Variants in SMAD2 observed in about 807,000 individuals in gnomAD.
SMAD2 encodes the protein MAD homolog 2.
Under a neutral mutation model 64.4 loss-of-function variants are expected in SMAD2, and 8 were observed. The observed-to-expected ratio is 0.12, with a 90% confidence interval of 0.07 to 0.22. The LOEUF is 0.22. Ranked by LOEUF, SMAD2 falls within the 10% of genes least tolerant of loss-of-function variation. The probability of loss-of-function intolerance (pLI) is 1.00; values close to 1 mark genes in which losing one functional copy is unlikely to be tolerated. For synonymous variants in SMAD2, 203 were observed against 195.8 expected, an observed-to-expected ratio of 1.04 and a Z score of -0.31; for missense variants, 289 against 561.2, an observed-to-expected ratio of 0.51 and a Z score of 4.90.
At position 47,827,399 on chromosome 18, in the gene SMAD2, T is replaced by C. The variant is rs1240252715; in HGVS notation, c.*14428A>G. On this transcript the variant is annotated 3_prime_UTR_variant, in exon 11 of 11. Transcript: ENST00000262160. ...TCTCTCCAGCCAATCACTATGTAAA[T>C]TGTGAATTAAGACATTATTACTTGG... 5 of 152,140 alleles carry C rather than the reference T, an allele frequency of 3.3e-5. No individual in the cohort carries two copies. The highest frequency in any genetic ancestry group is 9.7e-5 in the African/African-American group (4 of 41,416). The allele number at this position is 152,140 out of a possible 1,614,324, so 9.4% of individuals were successfully genotyped here.
In SMAD2 at chr18:47,821,589, C is replaced by T. The variant is rs1912578543; in HGVS notation, c.*20238G>A. 6.6e-6 allele frequency: 1 copy of T among 152,194 alleles called. No individual in the cohort carries two copies. Among genetic ancestry groups the T allele is most frequent in the Non-Finnish European group, 1.5e-5 (1 of 68,030 alleles). The allele number at this position is 152,194 out of a possible 1,614,324, so 9.4% of individuals were successfully genotyped here. Reference sequence around the variant, plus strand: ...CACTCATAACCTTGGAAATACTCTTCCTGTGTCTGATTAAATTCAAGTACC... The same window carrying T: ...CACTCATAACCTTGGAAATACTCTTTCTGTGTCTGATTAAATTCAAGTACC... On this transcript the variant is annotated 3_prime_UTR_variant, in exon 11 of 11. Transcript: ENST00000262160.
chr18:47,850,550 T>C (rs1202920255), intron 7 of SMAD2, among the ~76,000 whole-genome samples: 1 of 47,984 alleles, frequency 2.1e-5, no homozygotes, highest in Non-Finnish European at 3.3e-5. Flanking sequence ...ATATATATAA[T>C]ATATATTATG....
chr18:47,906,996 AAAC>A (rs755590660), intron 1 of SMAD2, among the ~76,000 whole-genome samples: 1 of 152,188 alleles, frequency 6.6e-6, no homozygotes, highest in African/African-American at 2.4e-5. Context: ...TTGCCATATA[AAAC>A]AACATTCACA....
chr18:47,860,512 T>G (rs2031094546), intron 6 of SMAD2, among the ~76,000 whole-genome samples: 1 of 152,032 alleles, frequency 6.6e-6, no homozygotes, highest in Non-Finnish European at 1.5e-5. Flanking sequence ...TGACCTCCTG[T>G]GCTCAAGCAA....
chr18:47,875,407 G>A (rs992594182), intron 2 of SMAD2, among the ~76,000 whole-genome samples: 6 of 152,006 alleles, frequency 3.9e-5, no homozygotes, highest in Non-Finnish European at 8.8e-5. Flanking sequence ...GTACAAAAGT[G>A]GATTATAATA....
chr18:47,899,015 AGGTATTG>A (rs2033566622), intron 1 of SMAD2, among the ~76,000 whole-genome samples: 1 of 152,112 alleles, frequency 6.6e-6, no homozygotes, highest in South Asian at 2.1e-4. Flanking sequence ...CTTTGTAGCA[AGGTATTG>A]GCAGTGGGGA....
chr18:47,849,021 T>G (rs915725650), intron 7 of SMAD2, among the ~76,000 whole-genome samples: 2 of 152,220 alleles, frequency 1.3e-5, no homozygotes, highest in African/African-American at 4.8e-5. Context: ...GTCAGTCAAC[T>G]TGCCATACTT....
Position 47,841,303 on chromosome 18 carries a change from A to C in SMAD2, c.*524T>G, listed in dbSNP as rs1479647116. 1 of 233,438 alleles carries C rather than the reference A, an allele frequency of 4.3e-6. No individual in the cohort carries two copies. Among genetic ancestry groups the C allele is most frequent in the Non-Finnish European group, 8.5e-6 (1 of 118,200 alleles). 14.5% of individuals were successfully genotyped at this position (233,438 alleles called of 1,614,324 possible). The stretch of plus-strand genomic sequence containing the variant: ...CAGAAAAATTAGTTTTTCTACAGGA[A>C]AATCTGCTTCTAAATAATTTGAAAA... On this transcript the variant is annotated 3_prime_UTR_variant, in exon 11 of 11. Coordinates refer to ENST00000262160, the MANE Select transcript of SMAD2 (RefSeq NM_005901.6).
At chr18:47,842,667 C>G (rs1278932763) in intron 10 of SMAD2, among the ~76,000 whole-genome samples, 1 of 152,138 alleles carries the variant, frequency 6.6e-6, no homozygotes, top group Non-Finnish European at 1.5e-5. Flanking sequence ...AAATATCAAA[C>G]AGAATCTAAG....
intron 10 of SMAD2, among the ~76,000 whole-genome samples, chr18:47,842,509 T>C (rs1914064091): frequency 6.6e-6 from 1 of 150,970 alleles, no homozygotes; most frequent in African/African-American, 2.4e-5. Flanking sequence ...CACTGCACTC[T>C]AGCCTGGCGA....
At chr18:47,865,247 T>C (rs2031472650) in intron 5 of SMAD2, 114 bp from the exon 6 acceptor site, 1 of 652,362 alleles carries the variant, frequency 1.5e-6, no homozygotes, top group South Asian at 1.8e-5. Context: ...TAATGTTATA[T>C]AATATTATAA....
chr18:47,902,108 G>C (rs1242800670), intron 1 of SMAD2, among the ~76,000 whole-genome samples: 2 of 152,098 alleles, frequency 1.3e-5, no homozygotes, highest in Non-Finnish European at 2.9e-5. Flanking sequence ...TACTGAGGGC[G>C]TTCTCTGTGT....
chr18:47,928,077 AAG>A (rs1047263032), intron 1 of SMAD2, among the ~76,000 whole-genome samples: 1 of 152,146 alleles, frequency 6.6e-6, no homozygotes, highest in Non-Finnish European at 1.5e-5. Context: ...TCAAAAGACT[AAG>A]AATCTAAAAG....
At position 47,820,621 on chromosome 18, in the gene SMAD2, A is replaced by T. The variant is rs1231104027; in HGVS notation, c.*21206T>A. ...CTTGCATAGTAACTTTTTATCCTAAAGCAGGATGACCAGTTGTTTAAGGGG... is the reference window on the plus strand; with the variant it reads ...CTTGCATAGTAACTTTTTATCCTAATGCAGGATGACCAGTTGTTTAAGGGG... On this transcript the variant is annotated 3_prime_UTR_variant, in exon 11 of 11. Coordinates refer to ENST00000262160, the MANE Select transcript of SMAD2 (RefSeq NM_005901.6). 1 of 152,178 alleles carries T rather than the reference A, an allele frequency of 6.6e-6. No homozygotes were observed. Among genetic ancestry groups the T allele is most frequent in the Non-Finnish European group, 1.5e-5 (1 of 68,038 alleles). 9.4% of individuals were successfully genotyped at this position (152,178 alleles called of 1,614,324 possible). A position where few individuals can be genotyped will look rare whatever the true frequency, so the allele number is the denominator to read the frequency against.
intron 9 of SMAD2, 66 bp from the exon 10 acceptor site, chr18:47,845,550 G>A (rs2144288917): frequency 6.3e-7 from 1 of 1,577,756 alleles, no homozygotes. Flanking sequence ...ATTTTAAAAG[G>A]GTTACAAGTT....
Position 47,819,130 on chromosome 18 carries a change from TTTTAG to T in SMAD2, c.*22692_*22696del. On this transcript the variant is annotated 3_prime_UTR_variant, in exon 11 of 11. Transcript: ENST00000262160. ...ATATATAGTAATTAACACAAGTGCC[TTTTAG>T]TTAATATAACTTAAACATCTGATAA... is the stretch of plus-strand genomic sequence containing the variant. 1 of 152,356 alleles carries T rather than the reference TTTTAG, an allele frequency of 6.6e-6. No individual in the cohort carries two copies. Among genetic ancestry groups the T allele is most frequent in the East Asian group, 1.9e-4 (1 of 5,188 alleles). 9.4% of individuals were successfully genotyped at this position (152,356 alleles called of 1,614,324 possible).
At position 47,849,984 on chromosome 18, in the gene SMAD2, G is replaced by C. The variant is rs138677729; in HGVS notation, c.784+1290C>G. On this transcript the variant is annotated intron_variant, in intron 7 of 10. Coordinates refer to ENST00000262160, the MANE Select transcript of SMAD2 (RefSeq NM_005901.6). ...ATTGCGCCACTGCACTCTAGCCTGG[G>C]CGACAGAGCAAGACTCTGTCTCAAA... Among the ~76,000 whole-genome samples, 1,178 of 151,264 alleles carry C rather than the reference G, an allele frequency of 7.8e-3. 10 individuals carry two copies. The highest frequency in any genetic ancestry group is 0.014 in the Middle Eastern group (4 of 294).
At position 47,834,562 on chromosome 18, in the gene SMAD2, A is replaced by C; in HGVS notation, c.*7265T>G. The C allele has an allele frequency of 4.9e-6, 1 of 205,876 alleles. No individual in the cohort carries two copies. Among genetic ancestry groups the C allele is most frequent in the Non-Finnish European group, 9.9e-6 (1 of 100,622 alleles). The allele number at this position is 205,876 out of a possible 1,614,324, so 12.8% of individuals were successfully genotyped here. On this transcript the variant is annotated 3_prime_UTR_variant, in exon 11 of 11. Transcript: ENST00000262160. ...TTTCAAGGGCATAACCTTTAAGGGC[A>C]TCAGTCCCCAAAATATTTTTACATC...
chr18:47,851,517 T>G, intron 6 of SMAD2, among the ~76,000 whole-genome samples, 190 bp from the exon 7 acceptor site: 1 of 142,260 alleles, frequency 7.0e-6, no homozygotes, highest in Non-Finnish European at 1.5e-5. Context: ...GAAGGGGGGG[T>G]TCCAGTATAA....
Sources: gnomAD v4.1 joint callset for allele counts (sites outside exome capture counted in the v4.1 genomes callset) on GRCh38, gnomAD v4.1.1 for gene constraint, MANE v1.5 for transcripts, NCBI Gene and HGNC (gene_info 2026-07-23, HGNC 2026-07-21) for gene names.